The following DOCK1 variants were observed in gnomAD, a reference collection of about 807,000 sequenced individuals.
DOCK1 encodes the protein dedicator of cytokinesis protein 1.
A neutral mutation model predicts 262.7 loss-of-function variants in DOCK1; 138 were observed. That is an observed-to-expected ratio of 0.53 (90% CI 0.46 to 0.61). DOCK1 has a LOEUF of 0.61. Among genes scored for constraint, DOCK1 ranks in the 20% least tolerant of loss-of-function variants. DOCK1 has a pLI of 0.00. For missense variants in DOCK1, 1,908 were observed against 2,370.7 expected (o/e 0.80, Z 4.05); for synonymous variants, 866 against 867.4 (o/e 1.00, Z 0.03).
intron 13 of DOCK1, among the ~76,000 whole-genome samples, chr10:127,021,987 A>C (rs867981345): frequency 1.1e-4 from 16 of 152,158 alleles, no homozygotes; most frequent in Non-Finnish European, 1.5e-4. Flanking sequence ...GGAGGTGGCC[A>C]GGCAGGCAGC....
At chr10:127,120,588 A>C (rs950818860) in intron 25 of DOCK1, among the ~76,000 whole-genome samples, 19 of 152,188 alleles carry the variant, frequency 1.2e-4, no homozygotes, top group African/African-American at 4.6e-4. Flanking sequence ...TTGGATGTGA[A>C]ATTTTCACCA....
At chr10:127,011,477 C>T (rs1220140796) in intron 11 of DOCK1, among the ~76,000 whole-genome samples, 3 of 152,164 alleles carry the variant, frequency 2.0e-5, no homozygotes, top group Admixed American at 1.3e-4. Flanking sequence ...ACATTATGGC[C>T]ATGCTGTCTA....
intron 11 of DOCK1, among the ~76,000 whole-genome samples, chr10:127,010,221 C>A (rs1210724539): frequency 1.3e-5 from 2 of 152,148 alleles, no homozygotes; most frequent in African/African-American, 4.8e-5. Flanking sequence ...AATCCCAGCA[C>A]TTTGGGAGGC....
Position 127,373,671 on chromosome 10 carries a change from G to T in DOCK1, c.3433-110G>T, listed in dbSNP as rs1292955708. Reference sequence around the variant, plus strand: ...TTAAATGAGGCTTCAAAGGCAGAGGGTAGCCATCTATGATGATCTCTCTTG... The same window carrying T: ...TTAAATGAGGCTTCAAAGGCAGAGGTTAGCCATCTATGATGATCTCTCTTG... On this transcript the variant is annotated intron_variant, in intron 33 of 51. Coordinates refer to ENST00000623213, the MANE Select transcript of DOCK1 (RefSeq NM_001290223.2). 4 of 975,822 alleles carry T rather than the reference G, an allele frequency of 4.1e-6. No homozygotes were observed. The East Asian group carries it at 1.1e-4, about 26-fold the overall frequency. The allele number at this position is 975,822 out of a possible 1,614,324, so 60.4% of individuals were successfully genotyped here.
intron 31 of DOCK1, among the ~76,000 whole-genome samples, chr10:127,348,459 T>C (rs2063742014): frequency 6.6e-6 from 1 of 152,188 alleles, no homozygotes; most frequent in East Asian, 1.9e-4. Context: ...GCTTCTGTGT[T>C]CAGGACCGGA....
chr10:127,344,353 T>A (rs2063544304), intron 31 of DOCK1: 1 of 152,226 alleles, frequency 6.6e-6, no homozygotes, highest in African/African-American at 2.4e-5. Context: ...GCACCATTGT[T>A]GCATGGGTTT....
At chr10:127,252,039 C>T (rs1212465983) in intron 28 of DOCK1, among the ~76,000 whole-genome samples, 1 of 151,626 alleles carries the variant, frequency 6.6e-6, no homozygotes, top group Admixed American at 6.6e-5. Context: ...ACATCCTCTC[C>T]AACACCTGTT....
intron 19 of DOCK1, among the ~76,000 whole-genome samples, chr10:127,041,949 A>T (rs1407550872): frequency 6.6e-6 from 1 of 151,986 alleles, no homozygotes; most frequent in Non-Finnish European, 1.5e-5. Flanking sequence ...CCTGCAGGGG[A>T]GGATGGGGTG....
intron 29 of DOCK1, among the ~76,000 whole-genome samples, chr10:127,329,620 C>G (rs886292386): frequency 6.6e-6 from 1 of 152,068 alleles, no homozygotes; most frequent in African/African-American, 2.4e-5. Context: ...GCTTTGCCCT[C>G]TCTCGCGGCC....
intron 16 of DOCK1, 68 bp from the exon 17 acceptor site, chr10:127,031,582 T>G: frequency 8.0e-7 from 1 of 1,255,010 alleles, no homozygotes; most frequent in South Asian, 1.3e-5. Context: ...CCTTTGTAGC[T>G]TCTTATAATG....
chr10:127,070,946 C>T (rs950520805), intron 23 of DOCK1, among the ~76,000 whole-genome samples: 1 of 152,032 alleles, frequency 6.6e-6, no homozygotes, highest in Non-Finnish European at 1.5e-5. Flanking sequence ...GGTCTCAGTT[C>T]TTGCAGCCTT....
At position 127,356,034 on chromosome 10, in the gene DOCK1, G is replaced by A. The variant is rs550944765; in HGVS notation, c.3283+1307G>A. On this transcript the variant is annotated intron_variant, in intron 32 of 51. Coordinates refer to ENST00000623213, the MANE Select transcript of DOCK1 (RefSeq NM_001290223.2). ...ACCTGCACCATTGCATCCTTTCTGC[G>A]TGTCAGTCCTGGAGTCAGTGGAGGA... 7.2e-5 allele frequency among the ~76,000 whole-genome samples: 11 copies of A among 152,332 alleles called. No individual in the cohort carries two copies. In the South Asian group the frequency reaches 1.2e-3, roughly 17 times the overall value.
chr10:127,024,729 C>G lies in DOCK1; in HGVS notation c.1497C>G (p.Tyr499Ter). ...PGAGDEAISEYKSVIYYQVKQ... is the reference protein window; with the variant it reads ...PGAGDEAISE Reference sequence around the variant, plus strand: ...CTGGTGATGAAGCGATTTCAGAGTACAAATCTGTGATTTACTACCAAGTAA... The same window carrying G: ...CTGGTGATGAAGCGATTTCAGAGTAGAAATCTGTGATTTACTACCAAGTAA... The change falls in exon 15 of 52, where the codon TAC (tyrosine) becomes TAG (stop). Residue 499 changes from tyrosine (Y) to a stop codon, truncating the protein, a stop_gained. Coordinates refer to ENST00000623213, the MANE Select transcript of DOCK1 (RefSeq NM_001290223.2). LOFTEE classifies it high-confidence loss of function. 1 of 1,612,590 alleles carries G rather than the reference C, an allele frequency of 6.2e-7. No individual in the cohort carries two copies. The highest frequency in any genetic ancestry group is 8.5e-7 in the Non-Finnish European group (1 of 1,179,440).
At chr10:127,281,985 A>G (rs1276960242) in intron 29 of DOCK1, among the ~76,000 whole-genome samples, 1 of 152,192 alleles carries the variant, frequency 6.6e-6, no homozygotes, top group East Asian at 1.9e-4. Flanking sequence ...CCACACAATA[A>G]ATAAATACAC....
intron 33 of DOCK1, among the ~76,000 whole-genome samples, chr10:127,365,912 T>C (rs1403672575): frequency 6.6e-6 from 1 of 152,232 alleles, no homozygotes; most frequent in Non-Finnish European, 1.5e-5. Flanking sequence ...GGCTTCAACA[T>C]TGACCCAGCG....
At chr10:126,910,499 C>T (rs2031609312) in intron 1 of DOCK1, among the ~76,000 whole-genome samples, 2 of 151,802 alleles carry the variant, frequency 1.3e-5, no homozygotes, top group African/African-American at 4.8e-5. Context: ...TCTTTCTTTT[C>T]TTCCTCTCTG....
At chr10:127,444,415 T>TCCCA in intron 50 of DOCK1, 136 bp downstream of exon 50, 1 of 1,167,048 alleles carries the variant, frequency 8.6e-7, no homozygotes, top group Non-Finnish European at 1.2e-6. Flanking sequence ...CCTGGCTCCC[T>TCCCA]GGGAGTGTCC....
chr10:127,066,988 CAG>C (rs2045918442), intron 23 of DOCK1, among the ~76,000 whole-genome samples: 1 of 152,252 alleles, frequency 6.6e-6, no homozygotes. Context: ...TGTTTGGAAA[CAG>C]GGCCCATGCC....
chr10:127,218,086 A>T (rs1488993101), intron 27 of DOCK1, among the ~76,000 whole-genome samples: 6 of 152,322 alleles, frequency 3.9e-5, no homozygotes, highest in East Asian at 1.9e-4. Context: ...TGAAATTTTT[A>T]AAAAAGTATC....
Sources: gnomAD v4.1 joint callset for allele counts (sites outside exome capture counted in the v4.1 genomes callset) on GRCh38, gnomAD v4.1.1 for gene constraint, MANE v1.5 for transcripts, NCBI Gene and HGNC (gene_info 2026-07-23, HGNC 2026-07-21) for gene names.